Variants in AKAP13 observed in about 807,000 individuals in gnomAD.
AKAP13 encodes the protein A-kinase anchoring protein 13.
AKAP13 carries 80 observed loss-of-function variants against 264.5 expected under a neutral mutation model. That is an observed-to-expected ratio of 0.30 (90% CI 0.25 to 0.36). The LOEUF is 0.36. AKAP13 is among the 10% of genes least tolerant of loss of function. AKAP13 has a pLI of 1.00. For missense variants in AKAP13, 3,712 were observed against 3,435.2 expected (o/e 1.08, Z -2.01); for synonymous variants, 1,380 against 1,250.2 (o/e 1.10, Z -2.19).
chr15:85,488,030 T>C (rs977604268), intron 2 of AKAP13, among the ~76,000 whole-genome samples: 2 of 152,238 alleles, frequency 1.3e-5, no homozygotes, highest in Non-Finnish European at 2.9e-5. Flanking sequence ...CCTGAGTAGC[T>C]GGAACCACAG....
rs1433871805 is a variant in AKAP13, at chr15:85,564,784, AGT to A, written c.663-10345_663-10344del. Among the ~76,000 whole-genome samples, 5 of 152,286 alleles carry A rather than the reference AGT, an allele frequency of 3.3e-5. No individual in the cohort carries two copies. The East Asian group carries it at 5.8e-4, about 18-fold the overall frequency. On this transcript the variant is annotated intron_variant, in intron 5 of 36. Coordinates refer to ENST00000394518, the MANE Select transcript of AKAP13 (RefSeq NM_007200.5). ...GAATATTTGTACTCTTCTGCCCTGG[AGT>A]GAAATCCCAACAAATACTTGAGTAA...
chr15:85,458,412 A>G (rs1367104138), intron 1 of AKAP13, among the ~76,000 whole-genome samples: 3 of 70,896 alleles, frequency 4.2e-5, no homozygotes, highest in African/African-American at 1.9e-4. Context: ...TTTTTTTACT[A>G]TATATGTATG....
intron 10 of AKAP13, among the ~76,000 whole-genome samples, chr15:85,648,305 T>A (rs185025442): frequency 6.6e-6 from 1 of 152,366 alleles, no homozygotes; most frequent in African/African-American, 2.4e-5. Flanking sequence ...AATGGAAGTG[T>A]CTTTGTTAAG....
intron 2 of AKAP13, among the ~76,000 whole-genome samples, chr15:85,518,049 T>A (rs1330162560): frequency 6.6e-6 from 1 of 152,242 alleles, no homozygotes; most frequent in African/African-American, 2.4e-5. Context: ...TATTTTATTT[T>A]ATTTAGAAAC....
intron 10 of AKAP13, 36 bp downstream of exon 10, chr15:85,645,990 G>A (rs374313826): frequency 1.6e-5 from 26 of 1,598,264 alleles, no homozygotes; most frequent in Admixed American, 1.6e-4. Flanking sequence ...TTTGTCACAC[G>A]GCTTTTGTGT....
At chr15:85,427,170 C>T (rs1192128569) in intron 1 of AKAP13, among the ~76,000 whole-genome samples, 2 of 151,720 alleles carry the variant, frequency 1.3e-5, no homozygotes, top group Non-Finnish European at 2.9e-5. Context: ...TTAGCTAGGA[C>T]GGTCTCGATC....
intron 5 of AKAP13, among the ~76,000 whole-genome samples, chr15:85,550,848 A>G (rs1472437061): frequency 6.6e-6 from 1 of 152,218 alleles, no homozygotes. Context: ...CTTGGTAAAG[A>G]TAAGGTTGTA....
chr15:85,685,902 A>G (rs942276426), intron 16 of AKAP13, among the ~76,000 whole-genome samples: 1 of 152,206 alleles, frequency 6.6e-6, no homozygotes, highest in South Asian at 2.1e-4. Context: ...ACTACACTTA[A>G]TGTTTTGGTT....
chr15:85,665,811 A>G (rs759751427), intron 13 of AKAP13, among the ~76,000 whole-genome samples: 37 of 152,216 alleles, frequency 2.4e-4, no homozygotes, highest in African/African-American at 4.6e-4. Flanking sequence ...TAGTTTACTC[A>G]GAATGATGGT....
At chr15:85,691,499 CTG>C (rs2085284671) in intron 16 of AKAP13, among the ~76,000 whole-genome samples, 1 of 152,196 alleles carries the variant, frequency 6.6e-6, no homozygotes, top group Non-Finnish European at 1.5e-5. Context: ...CTCTTCATGA[CTG>C]TGTAAGCTTT....
At chr15:85,677,031 C>T (rs1263579325) in intron 14 of AKAP13, 43 of 985,364 alleles carry the variant, frequency 4.4e-5, no homozygotes, top group Non-Finnish European at 4.5e-5. Flanking sequence ...CTCCGCTCCT[C>T]CTTAAGTCTA....
intron 22 of AKAP13, 70 bp from the exon 23 acceptor site, chr15:85,719,006 G>A (rs753537999): frequency 1.2e-5 from 19 of 1,582,350 alleles, no homozygotes; most frequent in Admixed American, 6.8e-5. Flanking sequence ...TGGGACTGCA[G>A]CAGATGATCT....
At chr15:85,491,070 G>A (rs1005766275) in intron 2 of AKAP13, among the ~76,000 whole-genome samples, 1 of 152,158 alleles carries the variant, frequency 6.6e-6, no homozygotes, top group Non-Finnish European at 1.5e-5. Flanking sequence ...ACAGAACAGT[G>A]GCTGGGGCTT....
At chr15:85,383,237 C>T (rs61324174) in intron 1 of AKAP13, among the ~76,000 whole-genome samples, 9,621 of 152,084 alleles carry the variant, frequency 0.063, 541 homozygotes, top group East Asian at 0.31. Context: ...CACAACTCTC[C>T]CTCCATTGTG....
intron 29 of AKAP13, among the ~76,000 whole-genome samples, chr15:85,729,068 C>A (rs977203178): frequency 3.3e-5 from 5 of 151,656 alleles, no homozygotes; most frequent in East Asian, 1.9e-4. Flanking sequence ...TGGGAGGCCA[C>A]GGCGGGCGGA....
chr15:85,506,722 T>C (rs1291161919), intron 2 of AKAP13, among the ~76,000 whole-genome samples: 1 of 152,188 alleles, frequency 6.6e-6, no homozygotes, highest in African/African-American at 2.4e-5. Context: ...TAGTGTTATA[T>C]AAAACAGTTG....
chr15:85,570,137 CAA>C (rs1024500334), intron 5 of AKAP13, among the ~76,000 whole-genome samples: 8 of 145,962 alleles, frequency 5.5e-5, no homozygotes, highest in African/African-American at 2.0e-4. Context: ...ATACCTGTGA[CAA>C]AGCTTTGGTA....
chr15:85,660,693 C>A (rs1373732249), intron 12 of AKAP13, among the ~76,000 whole-genome samples: 1 of 152,150 alleles, frequency 6.6e-6, no homozygotes, highest in Non-Finnish European at 1.5e-5. Flanking sequence ...TATATATCTT[C>A]TCCTCACACA....
rs373581624 is a variant in AKAP13, at chr15:85,581,466, C to A, written c.3398C>A (p.Pro1133Gln). Residue 1133 changes from proline (P) to glutamine (Q), a missense_variant, in exon 7 of 37, where the codon CCA becomes CAA. By Grantham distance (76) the Pro-to-Gln change is moderately conservative. This residue lies in a region of AKAP13 where 2,759 missense variants were observed against 2,411.7 expected (regional missense o/e 1.14). Transcript: ENST00000394518. ...GAGAAGAATGCCGTTCTAGGTTTGC[C>A]AGTGGCTCTACAGGACAAAGCTGTG... ...SQEKNAVLGL[P>Q]VALQDKAVTD... is the part of the protein sequence containing the mutation. 3 of 1,614,196 alleles carry A rather than the reference C, an allele frequency of 1.9e-6. 1 individual carries two copies. The South Asian group carries it at 3.3e-5, about 18-fold the overall frequency.
Sources: gnomAD v4.1 joint callset for allele counts (sites outside exome capture counted in the v4.1 genomes callset) on GRCh38, gnomAD v4.1.1 for gene constraint, gnomAD v4.1.1 regional missense constraint, MANE v1.5 for transcripts, NCBI Gene and HGNC (gene_info 2026-07-23, HGNC 2026-07-21) for gene names.